Variants in KCNH8 observed in about 807,000 individuals in gnomAD.
KCNH8 encodes the protein potassium voltage-gated channel subfamily H member 8, also known as voltage-gated delayed rectifier potassium channel KCNH8.
KCNH8 carries 70 observed loss-of-function variants against 103.6 expected under a neutral mutation model. That is an observed-to-expected ratio of 0.68 (90% CI 0.56 to 0.82). The LOEUF (loss-of-function observed/expected upper bound fraction) is 0.82, where lower values mean the gene tolerates loss of function less well. Ranked by LOEUF, KCNH8 falls within the 40% of genes least tolerant of loss-of-function variation. The probability of loss-of-function intolerance (pLI) is 0.00; values close to 1 mark genes in which losing one functional copy is unlikely to be tolerated. For missense variants in KCNH8, 1,217 were observed against 1,329.9 expected (o/e 0.92, Z 1.32); for synonymous variants, 498 against 489.4 (o/e 1.02, Z -0.23).
At chr3:19,520,725 C>T (rs1031201065) in intron 15 of KCNH8, among the ~76,000 whole-genome samples, 6 of 151,880 alleles carry the variant, frequency 4.0e-5, no homozygotes, top group Non-Finnish European at 8.8e-5. Flanking sequence ...ATGAAAAAAA[C>T]TCTACCACCA....
chr3:19,531,988 G>C (rs1003694256), intron 15 of KCNH8, among the ~76,000 whole-genome samples: 2 of 152,162 alleles, frequency 1.3e-5, no homozygotes, highest in Non-Finnish European at 2.9e-5. Context: ...TTAGTATTAT[G>C]AATCTAACCA....
chr3:19,387,936 G>T (rs182518401), intron 5 of KCNH8, among the ~76,000 whole-genome samples: 2,767 of 142,366 alleles, frequency 0.019, 90 homozygotes, highest in African/African-American at 0.064. Flanking sequence ...AATACCTGTT[G>T]TTTTTTTTTT....
intron 1 of KCNH8, among the ~76,000 whole-genome samples, chr3:19,231,457 T>G (rs1393386737): frequency 6.6e-6 from 1 of 152,192 alleles, no homozygotes; most frequent in Non-Finnish European, 1.5e-5. Flanking sequence ...TACATTTACA[T>G]TTTATATTTT....
chr3:19,452,039 C>T (rs931210993), intron 10 of KCNH8, among the ~76,000 whole-genome samples: 1 of 152,102 alleles, frequency 6.6e-6, no homozygotes, highest in South Asian at 2.1e-4. Flanking sequence ...AAATGGCATG[C>T]AGAGTTAATG....
intron 2 of KCNH8, among the ~76,000 whole-genome samples, chr3:19,260,262 A>G (rs1409737530): frequency 1.3e-5 from 2 of 151,052 alleles, no homozygotes; most frequent in African/African-American, 2.4e-5. Context: ...TCATACCACT[A>G]TTTGGGCAAC....
chr3:19,162,752 C>G (rs2063246656), intron 1 of KCNH8, among the ~76,000 whole-genome samples: 2 of 152,084 alleles, frequency 1.3e-5, no homozygotes, highest in South Asian at 4.2e-4. Flanking sequence ...ATATGGACAC[C>G]TATTATGATA....
At chr3:19,316,279 A>G (rs957204235) in intron 3 of KCNH8, among the ~76,000 whole-genome samples, 36 of 151,816 alleles carry the variant, frequency 2.4e-4, no homozygotes, top group Admixed American at 2.0e-3. Context: ...TTCTCCACCC[A>G]CTAAATGCCA....
chr3:19,419,198 T>TC (rs1278607021), intron 7 of KCNH8, among the ~76,000 whole-genome samples: 1 of 133,060 alleles, frequency 7.5e-6, no homozygotes, highest in Non-Finnish European at 1.6e-5. Flanking sequence ...GGTTTTGGTT[T>TC]TTTTTTTTTT....
Position 19,313,029 on chromosome 3 carries a change from G to A in KCNH8, c.443-29558G>A, listed in dbSNP as rs551190493. On this transcript the variant is annotated intron_variant, in intron 3 of 15. Transcript: ENST00000328405. The stretch of plus-strand genomic sequence containing the variant: ...TCCATAACTGCTATTGGCTGCTTTG[G>A]CTTTCACGGGATGTCTTGGCCTGTG... 1.6e-4 allele frequency among the ~76,000 whole-genome samples: 19 copies of A among 116,432 alleles called. No homozygotes were observed. In the East Asian group the frequency reaches 4.1e-3, roughly 25 times the overall value. 76.4% of individuals were successfully genotyped at this position (116,432 alleles called of 152,430 possible).
chr3:19,158,827 A>G (rs1042731093), intron 1 of KCNH8, among the ~76,000 whole-genome samples: 3 of 151,910 alleles, frequency 2.0e-5, no homozygotes, highest in African/African-American at 7.2e-5. Context: ...AAGTTTTCAG[A>G]TAAGAAATAA....
intron 2 of KCNH8, among the ~76,000 whole-genome samples, chr3:19,276,037 C>T (rs187203919): frequency 2.0e-5 from 3 of 152,174 alleles, no homozygotes; most frequent in Non-Finnish European, 2.9e-5. Flanking sequence ...TTGGAGCTTT[C>T]TGGTAGATTC....
intron 1 of KCNH8, among the ~76,000 whole-genome samples, chr3:19,226,038 T>C (rs1416597899): frequency 6.6e-6 from 1 of 152,228 alleles, no homozygotes; most frequent in Non-Finnish European, 1.5e-5. Context: ...ATTCTTTTGA[T>C]ATGAAATTCT....
chr3:19,275,968 G>A (rs921336820), intron 2 of KCNH8, among the ~76,000 whole-genome samples: 2 of 152,094 alleles, frequency 1.3e-5, no homozygotes, highest in African/African-American at 4.8e-5. Context: ...GGAAAAGTGG[G>A]CAAGAGATGA....
At chr3:19,453,615 T>C (rs1453706056) in intron 10 of KCNH8, among the ~76,000 whole-genome samples, 1 of 151,890 alleles carries the variant, frequency 6.6e-6, no homozygotes, top group Non-Finnish European at 1.5e-5. Context: ...GCATTAGGGG[T>C]GGGGCCTTGA....
chr3:19,514,265 TATTC>T (rs1273939443), intron 13 of KCNH8, among the ~76,000 whole-genome samples: 4 of 152,030 alleles, frequency 2.6e-5, no homozygotes, highest in Non-Finnish European at 5.9e-5. Flanking sequence ...ACAACATTCT[TATTC>T]ATTAAGATAA....
intron 1 of KCNH8, among the ~76,000 whole-genome samples, chr3:19,210,001 T>A (rs1164500759): frequency 6.6e-6 from 1 of 152,102 alleles, no homozygotes; most frequent in Middle Eastern, 3.2e-3. Flanking sequence ...AGAGTTCCCT[T>A]TGCCAAAAGT....
At chr3:19,445,836 C>T (rs1046699206) in intron 8 of KCNH8, among the ~76,000 whole-genome samples, 2 of 151,946 alleles carry the variant, frequency 1.3e-5, no homozygotes, top group Admixed American at 6.6e-5. Flanking sequence ...ACCAGAGGCA[C>T]ATTGCAGTTC....
At chr3:19,281,797 A>C (rs1057409616) in intron 3 of KCNH8, among the ~76,000 whole-genome samples, 3 of 152,082 alleles carry the variant, frequency 2.0e-5, no homozygotes, top group Non-Finnish European at 4.4e-5. Flanking sequence ...GTTGCAAACA[A>C]ATGTGAATCC....
intron 1 of KCNH8, among the ~76,000 whole-genome samples, chr3:19,211,273 G>C (rs1345805514): frequency 6.6e-6 from 1 of 152,144 alleles, no homozygotes; most frequent in East Asian, 1.9e-4. Context: ...ATGTAGAAGT[G>C]CATGATTTAT....
Sources: allele counts gnomAD v4.1 joint callset (sites outside exome capture counted in the v4.1 genomes callset), GRCh38; gene constraint gnomAD v4.1.1; transcripts MANE v1.5; gene names NCBI Gene and HGNC (gene_info 2026-07-23, HGNC 2026-07-21).